Variants in PAX8 observed in about 807,000 individuals in gnomAD.
The protein encoded by PAX8 is paired box protein Pax-8.
Under a neutral mutation model 52.4 loss-of-function variants are expected in PAX8, and 15 were observed. The ratio of observed to expected loss-of-function variants is 0.29; its 90% CI spans 0.19 to 0.44. The LOEUF (loss-of-function observed/expected upper bound fraction) is 0.44. Among genes scored for constraint, PAX8 ranks in the 20% least tolerant of loss-of-function variants. The pLI, the probability that PAX8 is intolerant of heterozygous loss-of-function variation, is 1.00. For synonymous variants in PAX8, 284 were observed against 249.7 expected (o/e 1.14, Z -1.29); for missense variants, 554 against 602.5 (o/e 0.92, Z 0.84).
At chr2:113,218,637 A>C in intron 11 of PAX8, 28 bp from the exon 12 acceptor site, 1 of 1,448,502 alleles carries the variant, frequency 6.9e-7, no homozygotes, top group Non-Finnish European at 9.5e-7. Context: ...AAATAACAAC[A>C]ACACTGCTGG....
chr2:113,248,926 A>G (rs1006774468), intron 2 of PAX8, among the ~76,000 whole-genome samples: 2 of 152,094 alleles, frequency 1.3e-5, no homozygotes, highest in African/African-American at 4.8e-5. Context: ...AGATCGCATC[A>G]TTGCACTCCA....
chr2:113,255,078 G>A (rs934811622), intron 2 of PAX8, among the ~76,000 whole-genome samples: 2 of 120,732 alleles, frequency 1.7e-5, no homozygotes, highest in Admixed American at 8.9e-5. Flanking sequence ...ACAGAAAGAA[G>A]GAAGGAAGGA....
chr2:113,258,542 C>A lies in PAX8; in HGVS notation c.26-11623G>T, dbSNP rs185543375. On this transcript the variant is annotated intron_variant, in intron 2 of 11. Coordinates refer to ENST00000429538, the MANE Select transcript of PAX8 (RefSeq NM_003466.4). ...CCCTGCTGGCTCTTTTGGCCATCCC[C>A]CTTCCCTGCATAATCTTTATTGCTT... Among the ~76,000 whole-genome samples the A allele has an allele frequency of 1.1e-4, 16 of 152,322 alleles. No homozygotes were observed. In the East Asian group the frequency reaches 3.1e-3, roughly 29 times the overall value.
chr2:113,238,968 A>G (rs1690587934), intron 7 of PAX8: 1 of 151,418 alleles, frequency 6.6e-6, no homozygotes, highest in African/African-American at 2.4e-5. Context: ...GCATTTGTAA[A>G]ATAGGGAAAC....
intron 10 of PAX8, chr2:113,226,066 G>A (rs1558687397): frequency 6.1e-6 from 6 of 985,772 alleles, no homozygotes; most frequent in Non-Finnish European, 7.2e-6. Flanking sequence ...AGCTCAGCAG[G>A]TTCCCAGGGA....
chr2:113,256,626 ATATATGTGTG>A (rs1242793691), intron 2 of PAX8, among the ~76,000 whole-genome samples: 3 of 96,442 alleles, frequency 3.1e-5, no homozygotes, highest in African/African-American at 1.7e-4. Context: ...GTATATATAT[ATATATGTGTG>A]TGTGTGTGTG....
chr2:113,265,281 G>A (rs761150512), intron 2 of PAX8, among the ~76,000 whole-genome samples: 6 of 152,326 alleles, frequency 3.9e-5, no homozygotes, highest in South Asian at 2.1e-4. Context: ...CAACAGAAGC[G>A]TGAGGCCAAG....
rs558169092 is a variant in PAX8, at chr2:113,234,321, T to A, written c.1087+1073A>T. 1.4e-3 allele frequency among the ~76,000 whole-genome samples: 206 copies of A among 152,276 alleles called. 6 individuals are homozygous for A. Among genetic ancestry groups the A allele is most frequent in the African/African-American group, 4.8e-3 (198 of 41,572 alleles). ...CAGGCCCTGGCTGGATGAGCGAAGG[T>A]CCTTCTGCCAGGAGGAGCCAGCTCC... is the stretch of plus-strand genomic sequence containing the variant. On this transcript the variant is annotated intron_variant, in intron 9 of 11. Coordinates refer to ENST00000429538, the MANE Select transcript of PAX8 (RefSeq NM_003466.4).
intron 2 of PAX8, chr2:113,274,146 G>C (rs1232629816): frequency 6.6e-6 from 1 of 152,186 alleles, no homozygotes; most frequent in East Asian, 1.9e-4. Context: ...GAAGATCACA[G>C]GGGCTTTAAT....
At chr2:113,243,510 G>C (rs1231514312) in intron 4 of PAX8, among the ~76,000 whole-genome samples, 1 of 151,974 alleles carries the variant, frequency 6.6e-6, no homozygotes, top group Non-Finnish European at 1.5e-5. Flanking sequence ...TCCTGCTTCA[G>C]TCTCCCAAGT....
chr2:113,240,085 G>T (rs1218494831), intron 7 of PAX8: 1 of 152,250 alleles, frequency 6.6e-6, no homozygotes, highest in Admixed American at 6.5e-5. Context: ...CATCAGCAGG[G>T]TTTCTTTACT....
intron 10 of PAX8, chr2:113,226,800 A>G (rs1359783318): frequency 1.6e-6 from 2 of 1,220,060 alleles, no homozygotes; most frequent in East Asian, 7.8e-5. Context: ...TTCCACTCAC[A>G]GTGTTTTGGG....
intron 2 of PAX8, among the ~76,000 whole-genome samples, chr2:113,277,680 G>A (rs975328797): frequency 6.6e-6 from 1 of 152,234 alleles, no homozygotes; most frequent in Non-Finnish European, 1.5e-5. Flanking sequence ...TGGCCGGGAA[G>A]GGGGAAAACA....
chr2:113,265,195 G>A (rs189767424), intron 2 of PAX8, among the ~76,000 whole-genome samples: 5 of 152,260 alleles, frequency 3.3e-5, no homozygotes, highest in South Asian at 4.1e-4. Context: ...TAAAATCACC[G>A]CAAAACCTGA....
intron 2 of PAX8, among the ~76,000 whole-genome samples, chr2:113,258,045 C>T (rs1457866633): frequency 6.6e-6 from 1 of 152,276 alleles, no homozygotes; most frequent in South Asian, 2.1e-4. Context: ...CCACCTCCGG[C>T]GCCACCCCTG....
chr2:113,278,660 C>T (rs1166343707), intron 1 of PAX8, 171 bp downstream of exon 1: 10 of 645,614 alleles, frequency 1.5e-5, no homozygotes, highest in Non-Finnish European at 2.3e-5. Flanking sequence ...ATTGGGAGTG[C>T]GCTGAAGAAG....
At chr2:113,232,968 G>A (rs1304607086) in intron 9 of PAX8, among the ~76,000 whole-genome samples, 1 of 151,746 alleles carries the variant, frequency 6.6e-6, no homozygotes, top group East Asian at 1.9e-4. Flanking sequence ...ATTCTCAGAA[G>A]ACATGCAGGC....
intron 2 of PAX8, among the ~76,000 whole-genome samples, chr2:113,260,108 G>C (rs1692558212): frequency 6.6e-6 from 1 of 152,162 alleles, no homozygotes; most frequent in Non-Finnish European, 1.5e-5. Flanking sequence ...CCTACTCTGT[G>C]TCTAATAATA....
chr2:113,241,501 T>G (rs1192572884), intron 7 of PAX8, 50 bp downstream of exon 7: 1 of 1,534,988 alleles, frequency 6.5e-7, no homozygotes, highest in African/African-American at 1.4e-5. Flanking sequence ...AGAATAGACC[T>G]TCTCTGGCCC....
Sources: gnomAD v4.1 joint callset for allele counts (sites outside exome capture counted in the v4.1 genomes callset) on GRCh38, gnomAD v4.1.1 for gene constraint, MANE v1.5 for transcripts, NCBI Gene and HGNC (gene_info 2026-07-23, HGNC 2026-07-21) for gene names.